Variants in TUSC3 observed in about 807,000 individuals in gnomAD.
TUSC3 encodes dolichyl-diphosphooligosaccharide--protein glycosyltransferase subunit TUSC3.
TUSC3 carries 45 observed loss-of-function variants against 44.8 expected under a neutral mutation model. That is an observed-to-expected ratio of 1.00 (90% CI 0.79 to 1.29). The LOEUF (loss-of-function observed/expected upper bound fraction) is 1.29. Among genes scored for constraint, TUSC3 ranks in the 50% most tolerant of loss-of-function variants. The pLI, the probability that TUSC3 is intolerant of heterozygous loss-of-function variation, is 0.00. For missense variants in TUSC3, 519 were observed against 437.9 expected, an observed-to-expected ratio of 1.19 and a Z score of -1.65; for synonymous variants, 212 against 152.9, an observed-to-expected ratio of 1.39 and a Z score of -2.85.
chr8:15,827,746 C>T, the TUSC3 span, among the ~76,000 whole-genome samples: 4 of 152,054 alleles, frequency 2.6e-5, no homozygotes, highest in African/African-American at 9.7e-5. Context: ...AAAAGCCATA[C>T]CCTGAGTCTC....
At chr8:15,653,737 T>G (rs1460414815) in intron 3 of TUSC3, among the ~76,000 whole-genome samples, 3 of 152,210 alleles carry the variant, frequency 2.0e-5, no homozygotes, top group Non-Finnish European at 2.9e-5. Flanking sequence ...AGTATATGTT[T>G]TGCTTCACTT....
At chr8:15,749,055 G>C (rs1376684515) in intron 9 of TUSC3, among the ~76,000 whole-genome samples, 1 of 152,122 alleles carries the variant, frequency 6.6e-6, no homozygotes, top group Non-Finnish European at 1.5e-5. Flanking sequence ...CCCGATTACA[G>C]TTGTTCAGCT....
At chr8:15,575,641 T>C (rs1803070298) in intron 1 of TUSC3, among the ~76,000 whole-genome samples, 1 of 152,134 alleles carries the variant, frequency 6.6e-6, no homozygotes, top group East Asian at 1.9e-4. Flanking sequence ...GTGGCGGGCA[T>C]CTATAATGCC....
At chr8:15,667,914 T>G (rs1055346208) in intron 5 of TUSC3, among the ~76,000 whole-genome samples, 1 of 151,768 alleles carries the variant, frequency 6.6e-6, no homozygotes, top group Non-Finnish European at 1.5e-5. Flanking sequence ...TCTGAGCAGT[T>G]TGTTTTGAAA....
intron 6 of TUSC3, among the ~76,000 whole-genome samples, chr8:15,684,289 A>T (rs1808536855): frequency 6.6e-6 from 1 of 152,058 alleles, no homozygotes; most frequent in Non-Finnish European, 1.5e-5. Flanking sequence ...TTGGGAACCC[A>T]CTGTTCCTCT....
chr8:15,474,725 C>G (rs1563260719), intron 1 of TUSC3, among the ~76,000 whole-genome samples: 1 of 151,962 alleles, frequency 6.6e-6, no homozygotes, highest in African/African-American at 2.4e-5. Flanking sequence ...TTTGAATGTC[C>G]AAAGAAATAA....
intron 6 of TUSC3, among the ~76,000 whole-genome samples, chr8:15,708,920 T>C (rs1156744325): frequency 6.6e-6 from 1 of 151,754 alleles, no homozygotes; most frequent in African/African-American, 2.4e-5. Flanking sequence ...ATAAAAAGGG[T>C]TTCCTGAGTC....
chr8:15,439,987 T>C (rs1055211581), intron 1 of TUSC3, among the ~76,000 whole-genome samples: 4 of 152,206 alleles, frequency 2.6e-5, no homozygotes, highest in South Asian at 2.1e-4. Context: ...GTGTCCACTC[T>C]ATACCAGGCA....
intron 2 of TUSC3, among the ~76,000 whole-genome samples, chr8:15,625,211 T>G (rs1805445400): frequency 6.6e-6 from 1 of 152,190 alleles, no homozygotes; most frequent in Admixed American, 6.5e-5. Context: ...TTGTGTCATA[T>G]TATTTTATTA....
chr8:15,464,854 C>T (rs1450658998), intron 1 of TUSC3, among the ~76,000 whole-genome samples: 1 of 151,202 alleles, frequency 6.6e-6, no homozygotes, highest in Non-Finnish European at 1.5e-5. Context: ...TCCTTGAAGA[C>T]TTTTTTTTTG....
intron 1 of TUSC3, among the ~76,000 whole-genome samples, chr8:15,568,258 T>C (rs1202731402): frequency 6.6e-6 from 1 of 152,188 alleles, no homozygotes; most frequent in Admixed American, 6.5e-5. Flanking sequence ...GAGGCATTCA[T>C]TTATTCCATA....
intron 3 of TUSC3, among the ~76,000 whole-genome samples, chr8:15,654,611 C>T (rs1807073763): frequency 1.3e-5 from 2 of 151,910 alleles, no homozygotes; most frequent in Admixed American, 1.3e-4. Flanking sequence ...GCCCTGCAAA[C>T]GTGGTGAAAC....
intron 4 of TUSC3, 149 bp downstream of exon 4, chr8:15,659,796 G>A: frequency 9.7e-7 from 1 of 1,025,744 alleles, no homozygotes; most frequent in African/African-American, 1.6e-5. Context: ...CAAATGATAA[G>A]TTGGACTATT....
chr8:15,547,497 G>A (rs1384157714), intron 1 of TUSC3, among the ~76,000 whole-genome samples: 1 of 151,462 alleles, frequency 6.6e-6, no homozygotes, highest in Admixed American at 6.6e-5. Context: ...AATGAACTTG[G>A]TGGTCGATAA....
At chr8:15,475,519 C>G (rs181820228) in intron 1 of TUSC3, among the ~76,000 whole-genome samples, 1 of 152,112 alleles carries the variant, frequency 6.6e-6, no homozygotes, top group Non-Finnish European at 1.5e-5. Flanking sequence ...TTAAATTCCC[C>G]TAGATAAACA....
At chr8:15,658,678 C>A (rs1274723457) in intron 3 of TUSC3, among the ~76,000 whole-genome samples, 116 of 147,928 alleles carry the variant, frequency 7.8e-4, no homozygotes, top group Non-Finnish European at 1.1e-3. Flanking sequence ...TATATATACA[C>A]ATACAATATA....
Position 15,484,214 on chromosome 8 carries a change from A to G in TUSC3, n.189+731A>G, listed in dbSNP as rs181578400. Among the ~76,000 whole-genome samples, 302 of 152,320 alleles carry G rather than the reference A, an allele frequency of 2.0e-3. 1 individual carries two copies. Among genetic ancestry groups the G allele is most frequent in the African/African-American group, 6.3e-3 (262 of 41,570 alleles). On this transcript the variant is annotated intron_variant and non_coding_transcript_variant, in intron 2 of 5. Transcript: ENST00000503191. The stretch of plus-strand genomic sequence containing the variant: ...AATATTTACATGCACTTATGCAACC[A>G]TAAATTTGCTAATTGTTTTCTAAAT...
At chr8:15,646,361 C>A (rs1404028912) in intron 2 of TUSC3, among the ~76,000 whole-genome samples, 1 of 151,936 alleles carries the variant, frequency 6.6e-6, no homozygotes, top group Non-Finnish European at 1.5e-5. Context: ...TTATTCTTCC[C>A]ATTATCTTCA....
intron 2 of TUSC3, among the ~76,000 whole-genome samples, chr8:15,624,241 G>C (rs533659882): frequency 6.6e-6 from 1 of 152,100 alleles, no homozygotes; most frequent in Non-Finnish European, 1.5e-5. Flanking sequence ...AATCGGGGTC[G>C]TTTCTAGGTT....
Sources: gnomAD v4.1 joint callset for allele counts (sites outside exome capture counted in the v4.1 genomes callset) on GRCh38, gnomAD v4.1.1 for gene constraint, MANE v1.5 for transcripts, NCBI Gene and HGNC (gene_info 2026-07-23, HGNC 2026-07-21) for gene names.